The following DHRS2 variants were observed in gnomAD, a reference collection of about 807,000 sequenced individuals.
DHRS2 encodes the protein dehydrogenase/reductase SDR family member 2, mitochondrial.
A neutral mutation model predicts 26.3 loss-of-function variants in DHRS2; 29 were observed. The observed-to-expected ratio is 1.10, with a 90% CI of 0.82 to 1.50. The LOEUF is 1.50. Among genes scored for constraint, DHRS2 ranks in the 40% most tolerant of loss-of-function variants. The probability of loss-of-function intolerance (pLI) is 0.00; values close to 1 mark genes in which losing one functional copy is unlikely to be tolerated. For missense variants in DHRS2, 439 were observed against 367.1 expected, an observed-to-expected ratio of 1.20 and a Z score of -1.60; for synonymous variants, 164 against 151.3, an observed-to-expected ratio of 1.08 and a Z score of -0.62.
intron 1 of DHRS2, chr14:23,638,592 T>G: frequency 2.5e-6 from 1 of 399,556 alleles, no homozygotes; most frequent in Non-Finnish European, 4.6e-6. Flanking sequence ...CCTTGTCTAA[T>G]GAATGTTGAG....
In DHRS2 at chr14:23,639,880, G is replaced by A; in HGVS notation, c.405G>A (p.Glu135=). The part of the protein sequence containing the change: ...PLVGSTLGTS[E]QIWDKILSVN... ...TAGGGAGCACTCTGGGGACCAGTGA[G>A]CAGATCTGGGACAAGGTGAGAGGCC... Residue 135 remains glutamate (E), a synonymous_variant, in exon 4 of 9, where the codon GAG becomes GAA. Transcript: ENST00000250383. 1 of 1,606,576 alleles carries A rather than the reference G, an allele frequency of 6.2e-7. No homozygotes were observed. The highest frequency in any genetic ancestry group is 8.5e-7 in the Non-Finnish European group (1 of 1,176,286).
rs948723852 is a variant in DHRS2, at chr14:23,641,590, T to C, written c.421-1562T>C. The C allele has an allele frequency of 1.6e-5, 20 of 1,287,126 alleles. 1 individual carries two copies. Among genetic ancestry groups the C allele is most frequent in the African/African-American group, 1.2e-4 (8 of 65,830 alleles). 79.7% of individuals were successfully genotyped at this position (1,287,126 alleles called of 1,614,324 possible). ...ATGCACATGGAGTATTGGACAGATA[T>C]CCTGTGGGCTGGTTGGGGTCTGTTT... On this transcript the variant is annotated intron_variant, in intron 4 of 8. Transcript: ENST00000250383.
Position 23,643,193 on chromosome 14 carries a change from C to G in DHRS2, c.462C>G (p.Ser154Arg), listed in dbSNP as rs187699110. The change falls in exon 5 of 9, where the codon AGC becomes AGG. Residue 154 changes from serine to arginine, a missense_variant. By Grantham distance (110) the Ser-to-Arg change is moderately radical. Coordinates refer to ENST00000250383, the MANE Select transcript of DHRS2 (RefSeq NM_005794.4). ...TGAAGTCCCCAGCCCTGCTGCTGAG[C>G]CAGTTGCTGCCCTACATGGAGAACA... Reference protein sequence around the residue: ...VNVKSPALLLSQLLPYMENRR... With the variant: ...VNVKSPALLLRQLLPYMENRR... The G allele has an allele frequency of 6.2e-7, 1 of 1,613,934 alleles. No homozygotes were observed. The highest frequency in any genetic ancestry group is 1.3e-5 in the African/African-American group (1 of 74,918).
At position 23,636,394 on chromosome 14, in the gene DHRS2, T is replaced by G. The variant is rs1890282532; in HGVS notation, c.-417T>G. 6.6e-6 allele frequency: 1 copy of G among 152,160 alleles called. No individual in the cohort carries two copies. Among genetic ancestry groups the G allele is most frequent in the South Asian group, 2.1e-4 (1 of 4,812 alleles). 9.4% of individuals were successfully genotyped at this position (152,160 alleles called of 1,614,324 possible). A position where few individuals can be genotyped will look rare whatever the true frequency, so the allele number is the denominator to read the frequency against. On this transcript the variant is annotated 5_prime_UTR_variant, in exon 1 of 9. Transcript: ENST00000250383. ...CCTGCTCTGGTTCCCTTCCACGCTGTGGAAGCTTTGTTCTTTTGGTCTTCA... is the reference window on the plus strand; with the variant it reads ...CCTGCTCTGGTTCCCTTCCACGCTGGGGAAGCTTTGTTCTTTTGGTCTTCA...
intron 4 of DHRS2, chr14:23,642,028 C>T: frequency 9.0e-7 from 1 of 1,109,750 alleles, no homozygotes; most frequent in Non-Finnish European, 1.1e-6. Context: ...CACTTCTCCC[C>T]CGTTCCCAGA....
rs774466694 is a variant in DHRS2, at chr14:23,643,133, T to C, written c.421-19T>C. ...GACCATGTCTCTCTGCCCTCACCCA[T>C]GCTCTGCTCTGATTTCAGATCCTAA... On this transcript the variant is annotated intron_variant, in intron 4 of 8. Coordinates refer to ENST00000250383, the MANE Select transcript of DHRS2 (RefSeq NM_005794.4). 79 of 1,613,664 alleles carry C rather than the reference T, an allele frequency of 4.9e-5. No individual in the cohort carries two copies. Among genetic ancestry groups the C allele is most frequent in the Non-Finnish European group, 6.1e-5 (72 of 1,179,810 alleles).
chr14:23,640,920 C>T (rs1347489438), intron 4 of DHRS2: 1 of 152,252 alleles, frequency 6.6e-6, no homozygotes, highest in African/African-American at 2.4e-5. Context: ...GTCTCCTAAC[C>T]CTCCTGAATC....
intron 3 of DHRS2, 44 bp downstream of exon 3, chr14:23,639,400 A>G (rs755277092): frequency 6.6e-7 from 1 of 1,525,848 alleles, no homozygotes; most frequent in Admixed American, 2.2e-5. Context: ...GGGAACATGC[A>G]GAACCTTTCC....
intron 4 of DHRS2, chr14:23,642,008 C>A: frequency 9.0e-7 from 1 of 1,115,828 alleles, no homozygotes; most frequent in African/African-American, 1.6e-5. Context: ...TTCCTTGCTA[C>A]TTCCTCTTTC....
At position 23,638,512 on chromosome 14, in the gene DHRS2, G is replaced by A. The variant is rs144402187; in HGVS notation, c.-38-315G>A. ...GTCTGTCGTTTACTAAGGTGTCCCC[G>A]CCTCTACTGCCCAGTGCTTGACACA... On this transcript the variant is annotated intron_variant, in intron 1 of 8. Coordinates refer to ENST00000250383, the MANE Select transcript of DHRS2 (RefSeq NM_005794.4). 593 of 201,642 alleles carry A rather than the reference G, an allele frequency of 2.9e-3. 3 individuals carry two copies. Among genetic ancestry groups the A allele is most frequent in the African/African-American group, 0.013 (567 of 42,498 alleles). The allele number at this position is 201,642 out of a possible 1,614,324, so 12.5% of individuals were successfully genotyped here.
At chr14:23,638,710 C>T (rs1384736508) in intron 1 of DHRS2, 117 bp from the exon 2 acceptor site, 2 of 1,095,478 alleles carry the variant, frequency 1.8e-6, no homozygotes, top group African/African-American at 3.2e-5. Flanking sequence ...CCCTAACCAG[C>T]CTGACTCTCT....
intron 4 of DHRS2, chr14:23,641,621 A>T: frequency 7.8e-7 from 1 of 1,289,658 alleles, no homozygotes; most frequent in South Asian, 1.2e-5. Context: ...TGTTTTGACC[A>T]GGAAACCCTT....
rs748918137 is a variant in DHRS2, at chr14:23,638,849, T to C, written c.-16T>C. The C allele has an allele frequency of 6.2e-7, 1 of 1,611,396 alleles. No homozygotes were observed. The highest frequency in any genetic ancestry group is 1.7e-5 in the Admixed American group (1 of 59,782). ...CAGGCCTGATTCAGCAGGAAGCATCTCAGACACCAACCACTATGCTGTCAG... is the reference window on the plus strand; with the variant it reads ...CAGGCCTGATTCAGCAGGAAGCATCCCAGACACCAACCACTATGCTGTCAG... On this transcript the variant is annotated 5_prime_UTR_variant, in exon 2 of 9. Transcript: ENST00000250383.
chr14:23,640,225 G>C, intron 4 of DHRS2: 2 of 1,005,080 alleles, frequency 2.0e-6, no homozygotes, highest in South Asian at 9.1e-5. Context: ...TGGTTAGTCA[G>C]AGTCTCTCTG....
intron 1 of DHRS2, 124 bp downstream of exon 1, chr14:23,636,896 G>T (rs376962844): frequency 6.6e-6 from 1 of 152,224 alleles, no homozygotes; most frequent in Non-Finnish European, 1.5e-5. Context: ...GACTAAAAAC[G>T]TGGGTGTCAG....
chr14:23,633,746 T>G (rs1474971223), upstream of DHRS2, among the ~76,000 whole-genome samples: 1 of 152,138 alleles, frequency 6.6e-6, no homozygotes, highest in Non-Finnish European at 1.5e-5. Flanking sequence ...TCAGAAAGTT[T>G]TGCTTATTTA....
At chr14:23,642,961 G>T in intron 4 of DHRS2, 191 bp from the exon 5 acceptor site, 1 of 593,526 alleles carries the variant, frequency 1.7e-6, no homozygotes, top group Non-Finnish European at 3.0e-6. Context: ...CTGTGACTTA[G>T]CCTGCCTGCC....
At chr14:23,634,059 C>CTTTTTTTTTTTT (rs58045171), upstream of DHRS2, among the ~76,000 whole-genome samples, 1 of 82,450 alleles carries the variant, frequency 1.2e-5, no homozygotes. Flanking sequence ...TTTGCCCCTT[C>CTTTTTTTTTTTT]TTTTTTTTTT....
chr14:23,642,861 C>T, intron 4 of DHRS2: 2 of 293,876 alleles, frequency 6.8e-6, no homozygotes, highest in Admixed American at 4.7e-5. Flanking sequence ...ACCCACTGCC[C>T]CCAGTCCCCA....
Sources: allele counts gnomAD v4.1 joint callset (sites outside exome capture counted in the v4.1 genomes callset), GRCh38; gene constraint gnomAD v4.1.1; transcripts MANE v1.5; gene names NCBI Gene and HGNC (gene_info 2026-07-23, HGNC 2026-07-21).